Variants in DOK6 observed in about 807,000 individuals in gnomAD.
DOK6 encodes the protein downstream of tyrosine kinase 6.
In DOK6, 22 loss-of-function variants were observed where a neutral mutation model predicts 44.0. That is an observed-to-expected ratio of 0.50 (90% confidence interval 0.36 to 0.71). DOK6 has a LOEUF of 0.71. Among genes scored for constraint, DOK6 ranks in the 30% least tolerant of loss-of-function variants. The probability of loss-of-function intolerance (pLI) is 0.00; values close to 1 mark genes in which losing one functional copy is unlikely to be tolerated. For synonymous variants in DOK6, 166 were observed against 145.5 expected, an observed-to-expected ratio of 1.14 and a Z score of -1.01; for missense variants, 340 against 416.4, an observed-to-expected ratio of 0.82 and a Z score of 1.60.
intron 1 of DOK6, among the ~76,000 whole-genome samples, chr18:69,410,050 A>G (rs1978299633): frequency 2.0e-5 from 3 of 152,234 alleles, no homozygotes; most frequent in Admixed American, 1.3e-4. Context: ...TACACCTAGT[A>G]CCAAGTCATG....
At position 69,786,263 on chromosome 18, in the gene DOK6, A is replaced by C. The variant is rs1414774696; in HGVS notation, c.856+28390A>C. 2.0e-5 allele frequency among the ~76,000 whole-genome samples: 3 copies of C among 152,146 alleles called. 1 individual carries two copies. The highest frequency in any genetic ancestry group is 7.2e-5 in the African/African-American group (3 of 41,444). On this transcript the variant is annotated intron_variant, in intron 7 of 7. Transcript: ENST00000382713. ...CCAAAGCACATGATAATAATCTAGC[A>C]AAAAAATCCTATATTTGATTTTTGA...
At chr18:69,445,533 T>A in intron 1 of DOK6, among the ~76,000 whole-genome samples, 1 of 151,956 alleles carries the variant, frequency 6.6e-6, no homozygotes, top group South Asian at 2.1e-4. Context: ...ATGCTTTTTT[T>A]GGGGGGGGAT....
At chr18:69,486,310 G>C (rs1980576551) in intron 1 of DOK6, among the ~76,000 whole-genome samples, 1 of 151,990 alleles carries the variant, frequency 6.6e-6, no homozygotes, top group Non-Finnish European at 1.5e-5. Flanking sequence ...TTTAGTTTTT[G>C]TTTAATCTGA....
At chr18:69,418,499 C>T (rs1978398923) in intron 1 of DOK6, among the ~76,000 whole-genome samples, 1 of 152,064 alleles carries the variant, frequency 6.6e-6, no homozygotes, top group South Asian at 2.1e-4. Context: ...CTTGCTCTGT[C>T]ATCCAGGCTG....
At chr18:69,416,185 GGAAGGAAC>G (rs1348917237) in intron 1 of DOK6, among the ~76,000 whole-genome samples, 5 of 138,644 alleles carry the variant, frequency 3.6e-5, no homozygotes, top group Admixed American at 1.4e-4. Context: ...AAGGAACGAA[GGAAGGAAC>G]GAAGGAAGGA....
chr18:69,816,619 A>G (rs1189686095), intron 7 of DOK6, among the ~76,000 whole-genome samples: 1 of 152,230 alleles, frequency 6.6e-6, no homozygotes, highest in African/African-American at 2.4e-5. Context: ...AGCCTAAGCC[A>G]TGAAGTAGGT....
intron 1 of DOK6, among the ~76,000 whole-genome samples, chr18:69,512,184 C>T (rs1407566926): frequency 6.7e-6 from 1 of 149,856 alleles, no homozygotes; most frequent in Non-Finnish European, 1.5e-5. Flanking sequence ...TGTCTCGGTA[C>T]TCCCCCCAAC....
At chr18:69,512,756 A>G (rs1000306147) in intron 1 of DOK6, among the ~76,000 whole-genome samples, 2 of 152,172 alleles carry the variant, frequency 1.3e-5, no homozygotes, top group African/African-American at 4.8e-5. Context: ...ATCATTGTTG[A>G]TAAATCAATC....
intron 1 of DOK6, among the ~76,000 whole-genome samples, chr18:69,406,412 C>T (rs900183763): frequency 9.2e-5 from 14 of 152,100 alleles, no homozygotes; most frequent in Admixed American, 6.5e-4. Flanking sequence ...GTAATTTTTA[C>T]AGTAAAAACC....
chr18:69,754,712 G>C (rs1482819902), intron 6 of DOK6, among the ~76,000 whole-genome samples: 1 of 152,130 alleles, frequency 6.6e-6, no homozygotes, highest in Non-Finnish European at 1.5e-5. Context: ...CCTTTTCTCT[G>C]TGAATATTTA....
chr18:69,661,777 A>T (rs946024230), intron 3 of DOK6: 1 of 152,220 alleles, frequency 6.6e-6, no homozygotes, highest in Non-Finnish European at 1.5e-5. Context: ...CACAGTTGCA[A>T]TGTGAAGGAA....
chr18:69,419,684 G>T lies in DOK6; in HGVS notation c.66+18374G>T, dbSNP rs1049541206. On this transcript the variant is annotated intron_variant, in intron 1 of 7. Coordinates refer to ENST00000382713, the MANE Select transcript of DOK6 (RefSeq NM_152721.6). ...GTTAATTAAGGATATATGCTAATAA[G>T]AAATAACCAAGGATGAAGAAGTAAA... Among the ~76,000 whole-genome samples, 6 of 152,040 alleles carry T rather than the reference G, an allele frequency of 3.9e-5. No homozygotes were observed. The East Asian group carries it at 1.2e-3, about 29-fold the overall frequency.
At position 69,589,192 on chromosome 18, in the gene DOK6, A is replaced by T. The variant is rs187488451; in HGVS notation, c.175-10192A>T. 4.9e-4 allele frequency among the ~76,000 whole-genome samples: 74 copies of T among 152,274 alleles called. No individual in the cohort carries two copies. The East Asian group carries it at 0.013, about 27-fold the overall frequency. On this transcript the variant is annotated intron_variant, in intron 2 of 7. Coordinates refer to ENST00000382713, the MANE Select transcript of DOK6 (RefSeq NM_152721.6). Reference sequence around the variant, plus strand: ...TAAATTATTGTTATGAAAGCTTAGGATTCAAGCATAGAGAGATTAACCTAT... The same window carrying T: ...TAAATTATTGTTATGAAAGCTTAGGTTTCAAGCATAGAGAGATTAACCTAT...
chr18:69,677,056 T>C (rs1220260406), intron 3 of DOK6, among the ~76,000 whole-genome samples: 1 of 152,144 alleles, frequency 6.6e-6, no homozygotes, highest in Non-Finnish European at 1.5e-5. Flanking sequence ...ACCCCAATTT[T>C]TTTAAAAAAT....
At chr18:69,570,298 A>G (rs994453876) in intron 2 of DOK6, among the ~76,000 whole-genome samples, 10 of 152,318 alleles carry the variant, frequency 6.6e-5, no homozygotes, top group South Asian at 4.1e-4. Flanking sequence ...CAAGTAAGAC[A>G]TCCAAAATTT....
At chr18:69,630,397 A>AT (rs1266162071) in intron 3 of DOK6, among the ~76,000 whole-genome samples, 1 of 152,168 alleles carries the variant, frequency 6.6e-6, no homozygotes, top group East Asian at 1.9e-4. Flanking sequence ...GTTCCCTTGG[A>AT]TTTTTTAACA....
At chr18:69,430,719 C>A (rs1978781863) in intron 1 of DOK6, among the ~76,000 whole-genome samples, 1 of 152,152 alleles carries the variant, frequency 6.6e-6, no homozygotes, top group Admixed American at 6.5e-5. Flanking sequence ...ATAATCCCAG[C>A]ACTTTGGAAG....
intron 6 of DOK6, among the ~76,000 whole-genome samples, chr18:69,753,323 A>G (rs750212747): frequency 6.6e-6 from 1 of 152,174 alleles, no homozygotes; most frequent in African/African-American, 2.4e-5. Context: ...AGAAGGGTCT[A>G]TTCTCATCAA....
At chr18:69,610,139 G>A (rs72634408) in intron 3 of DOK6, among the ~76,000 whole-genome samples, 12,578 of 152,122 alleles carry the variant, frequency 0.083, 850 homozygotes, top group East Asian at 0.42. Flanking sequence ...CTGTTAAGAA[G>A]GTAGAGCTCA....
Sources: allele counts gnomAD v4.1 joint callset (sites outside exome capture counted in the v4.1 genomes callset), GRCh38; gene constraint gnomAD v4.1.1; transcripts MANE v1.5; gene names NCBI Gene and HGNC (gene_info 2026-07-23, HGNC 2026-07-21).